Variants in CADM2 observed in about 807,000 individuals in gnomAD.
The protein encoded by CADM2 is immunoglobulin superfamily member 4D.
Under a neutral mutation model 49.8 loss-of-function variants are expected in CADM2, and 12 were observed. The ratio of observed to expected loss-of-function variants is 0.24; its 90% confidence interval spans 0.15 to 0.39. CADM2 has a LOEUF of 0.39. CADM2 is among the 10% of genes least tolerant of loss of function. The pLI, the probability that CADM2 is intolerant of heterozygous loss-of-function variation, is 1.00. For synonymous variants in CADM2, 214 were observed against 175.4 expected (o/e 1.22, Z -1.74); for missense variants, 378 against 492.3 (o/e 0.77, Z 2.20).
chr3:85,170,342 CT>C (rs10649749), intron 1 of CADM2, among the ~76,000 whole-genome samples: 280 of 144,154 alleles, frequency 1.9e-3, no homozygotes, highest in Middle Eastern at 7.1e-3. Context: ...CTTTTTCTAA[CT>C]TTTTTTTTTT....
At chr3:85,403,949 C>T (rs1003037468) in intron 1 of CADM2, among the ~76,000 whole-genome samples, 1 of 151,844 alleles carries the variant, frequency 6.6e-6, no homozygotes, top group Admixed American at 6.6e-5. Flanking sequence ...ACAAGCTGAT[C>T]AGATATTCAA....
intron 1 of CADM2, among the ~76,000 whole-genome samples, chr3:85,212,876 TTCTTTCTTTC>T (rs1443496859): frequency 6.7e-5 from 6 of 89,694 alleles, no homozygotes; most frequent in Admixed American, 2.3e-4. Flanking sequence ...CTTTCTTTCT[TTCTTTCTTTC>T]TCTTTCTTTC....
At chr3:85,552,028 T>C (rs940249617) in intron 1 of CADM2, among the ~76,000 whole-genome samples, 8 of 152,266 alleles carry the variant, frequency 5.3e-5, no homozygotes, top group African/African-American at 1.7e-4. Flanking sequence ...TCTTAAAATA[T>C]AAAAGACCAT....
intron 1 of CADM2, among the ~76,000 whole-genome samples, chr3:85,436,912 T>G (rs1196968153): frequency 6.6e-6 from 1 of 152,206 alleles, no homozygotes; most frequent in Non-Finnish European, 1.5e-5. Flanking sequence ...TGTACGTTTA[T>G]GAGTTTGGAG....
At chr3:84,960,782 G>A (rs1003811371) in intron 1 of CADM2, among the ~76,000 whole-genome samples, 3 of 152,120 alleles carry the variant, frequency 2.0e-5, no homozygotes, top group Non-Finnish European at 2.9e-5. Context: ...TGGAATGGGA[G>A]GACGATGCTG....
chr3:85,485,214 T>G (rs2039369687), intron 1 of CADM2, among the ~76,000 whole-genome samples: 1 of 152,076 alleles, frequency 6.6e-6, no homozygotes, highest in Non-Finnish European at 1.5e-5. Context: ...AGTAGGTACC[T>G]TTTATTCACC....
chr3:85,550,927 T>C (rs1449405), intron 1 of CADM2, among the ~76,000 whole-genome samples: 77,891 of 151,974 alleles, frequency 0.51, 23,041 homozygotes, highest in East Asian at 0.85. Flanking sequence ...TTTTACTTCT[T>C]TACTGAACTC....
At chr3:85,908,430 T>G (rs912707088) in intron 5 of CADM2, among the ~76,000 whole-genome samples, 2 of 151,728 alleles carry the variant, frequency 1.3e-5, no homozygotes, top group Non-Finnish European at 2.9e-5. Context: ...AATCCAGATT[T>G]TATAAAGATA....
At position 85,815,498 on chromosome 3, in the gene CADM2, A is replaced by G. The variant is rs540970919; in HGVS notation, c.238+13302A>G. ...AAACAGAACCCAAGACAAAAACCACATGATTATCTCAATAGATGCAAAAAA... is the reference window on the plus strand; with the variant it reads ...AAACAGAACCCAAGACAAAAACCACGTGATTATCTCAATAGATGCAAAAAA... On this transcript the variant is annotated intron_variant, in intron 3 of 9. Transcript: ENST00000383699. 5.3e-5 allele frequency among the ~76,000 whole-genome samples: 8 copies of G among 152,320 alleles called. No homozygotes were observed. In the East Asian group the frequency reaches 1.4e-3, roughly 26 times the overall value.
At chr3:85,290,988 C>A (rs961421326) in intron 1 of CADM2, among the ~76,000 whole-genome samples, 1 of 152,156 alleles carries the variant, frequency 6.6e-6, no homozygotes, top group Non-Finnish European at 1.5e-5. Context: ...TCAAATTACT[C>A]CGAGCTATGG....
chr3:85,121,584 A>G (rs968528565), intron 1 of CADM2, among the ~76,000 whole-genome samples: 7 of 152,182 alleles, frequency 4.6e-5, no homozygotes, highest in African/African-American at 1.7e-4. Flanking sequence ...TCCATAGATG[A>G]CCTAAGCTAT....
intron 8 of CADM2, among the ~76,000 whole-genome samples, chr3:86,016,087 G>T (rs556247789): frequency 1.3e-5 from 2 of 151,846 alleles, no homozygotes; most frequent in Non-Finnish European, 1.5e-5. Context: ...AATAATTTAC[G>T]AGCTTCTAGA....
intron 1 of CADM2, among the ~76,000 whole-genome samples, chr3:85,688,190 A>G (rs959223396): frequency 6.6e-6 from 1 of 152,202 alleles, no homozygotes; most frequent in African/African-American, 2.4e-5. Flanking sequence ...GTTATACAAC[A>G]TAGTGAATTA....
intron 8 of CADM2, among the ~76,000 whole-genome samples, chr3:86,021,861 A>G (rs148925733): frequency 1.1e-3 from 167 of 152,324 alleles, no homozygotes; most frequent in African/African-American, 4.0e-3. Context: ...AAGTCAAGAG[A>G]TAAAGTAGCA....
intron 6 of CADM2, among the ~76,000 whole-genome samples, chr3:85,922,829 T>G (rs1298091216): frequency 4.7e-5 from 3 of 64,272 alleles, no homozygotes; most frequent in Non-Finnish European, 8.6e-5. Flanking sequence ...TTTTTTGTTG[T>G]TTTTTTTTTT....
chr3:85,279,165 A>G (rs1312663110), intron 1 of CADM2, among the ~76,000 whole-genome samples: 1 of 151,478 alleles, frequency 6.6e-6, no homozygotes, highest in Admixed American at 6.6e-5. Context: ...GCTTTTCTGT[A>G]GTATTAATCT....
chr3:85,118,404 GT>G (rs2038720483), intron 1 of CADM2, among the ~76,000 whole-genome samples: 1 of 152,110 alleles, frequency 6.6e-6, no homozygotes, highest in African/African-American at 2.4e-5. Flanking sequence ...ATGGAAAGAG[GT>G]TTAATGGACC....
At chr3:85,217,351 A>G (rs1438948171) in intron 1 of CADM2, among the ~76,000 whole-genome samples, 2 of 151,970 alleles carry the variant, frequency 1.3e-5, no homozygotes, top group African/African-American at 4.8e-5. Flanking sequence ...ATATCATAAA[A>G]TGTATGTCAT....
At chr3:85,218,415 T>C (rs2041977729) in intron 1 of CADM2, among the ~76,000 whole-genome samples, 1 of 152,168 alleles carries the variant, frequency 6.6e-6, no homozygotes. Flanking sequence ...TTATTTAAAT[T>C]ATATCATCAC....
Sources: allele counts gnomAD v4.1 joint callset (sites outside exome capture counted in the v4.1 genomes callset), GRCh38; gene constraint gnomAD v4.1.1; transcripts MANE v1.5; gene names NCBI Gene and HGNC (gene_info 2026-07-23, HGNC 2026-07-21).